Variants in TMEM223 observed in about 807,000 individuals in gnomAD.
The protein encoded by TMEM223 is transmembrane protein 223.
In TMEM223, 14 loss-of-function variants were observed where a neutral mutation model predicts 14.1. The ratio of observed to expected loss-of-function variants is 0.99; its 90% CI spans 0.66 to 1.55. TMEM223 has a LOEUF of 1.55. TMEM223 is among the 40% of genes most tolerant of loss of function. The pLI is 0.00. For synonymous variants in TMEM223, 145 were observed against 120.5 expected (o/e 1.20, Z -1.33); for missense variants, 346 against 269.9 (o/e 1.28, Z -1.97).
Position 62,791,618 on chromosome 11 carries a change from T to G in TMEM223, c.316+61A>C, listed in dbSNP as rs530059950. ...GAGTCCCTGACTCTCCCTGCCTGTA[T>G]AGGGAAGGTCGTGTCCCGCCACCCC... On this transcript the variant is annotated intron_variant, in intron 1 of 1. Transcript: ENST00000307366. The G allele has an allele frequency of 2.4e-3, 3,437 of 1,459,464 alleles. 7 individuals are homozygous for G. Among genetic ancestry groups the G allele is most frequent in the Non-Finnish European group, 3.0e-3 (3,262 of 1,102,400 alleles). 90.4% of individuals were successfully genotyped at this position (1,459,464 alleles called of 1,614,324 possible).
downstream of TMEM223, among the ~76,000 whole-genome samples, chr11:62,783,639 A>G (rs541431631): frequency 1.5e-4 from 23 of 151,678 alleles, no homozygotes; most frequent in Middle Eastern, 3.4e-3. Flanking sequence ...GATTTAAGCA[A>G]TTCTTCCACC....
downstream of TMEM223, chr11:62,787,733 C>A: frequency 1.4e-6 from 1 of 700,180 alleles, no homozygotes; most frequent in Non-Finnish European, 2.4e-6. Context: ...CGAAGTTGTC[C>A]CCTCGCCAAA....
At chr11:62,787,159 T>C, downstream of TMEM223, 1 of 1,579,398 alleles carries the variant, frequency 6.3e-7, no homozygotes, top group Non-Finnish European at 8.5e-7. Context: ...CGGGCGCCTT[T>C]TCCAGACTGC....
chr11:62,787,658 G>A (rs553382497), downstream of TMEM223: 1 of 1,199,162 alleles, frequency 8.3e-7, no homozygotes, highest in Non-Finnish European at 1.1e-6. Flanking sequence ...GGCTGGCGCC[G>A]GCCTGTACCT....
At chr11:62,787,252 C>G (rs1418092450), downstream of TMEM223, 3 of 1,566,544 alleles carry the variant, frequency 1.9e-6, no homozygotes, top group East Asian at 7.0e-5. Context: ...CCGCCCCGCC[C>G]GCCGGTGGGC....
intron 1 of TMEM223, among the ~76,000 whole-genome samples, chr11:62,791,282 G>C (rs1210260978): frequency 6.6e-6 from 1 of 152,060 alleles, no homozygotes; most frequent in African/African-American, 2.4e-5. Flanking sequence ...TTTGAGAGGG[G>C]AGTCTCGCTC....
downstream of TMEM223, chr11:62,786,326 G>T: frequency 6.2e-7 from 1 of 1,614,164 alleles, no homozygotes; most frequent in South Asian, 1.1e-5. Flanking sequence ...TGTGCTGGAT[G>T]ATTATTCAGT....
At chr11:62,775,867 G>C (rs753689322) in intron 1 of TMEM223, 29 of 1,613,892 alleles carry the variant, frequency 1.8e-5, no homozygotes, top group Non-Finnish European at 2.4e-5. Context: ...GCCTGGAGCT[G>C]AGCGATGAGG....
chr11:62,778,198 C>A lies in TMEM223; in HGVS notation c.315-3533G>T, dbSNP rs779820663. Reference sequence around the variant, plus strand: ...GTGAAGAGAAGTGGTGATGGGCTGGCTGGTGGAAGAGGCAGAACTTGGAGG... The same window carrying A: ...GTGAAGAGAAGTGGTGATGGGCTGGATGGTGGAAGAGGCAGAACTTGGAGG... On this transcript the variant is annotated intron_variant, in intron 1 of 2. Coordinates refer to the TMEM223 transcript ENST00000528367. 101 of 1,613,274 alleles carry A rather than the reference C, an allele frequency of 6.3e-5. 2 individuals carry two copies. The highest frequency in any genetic ancestry group is 3.3e-4 in the Middle Eastern group (2 of 6,046).
At chr11:62,778,422 G>T in intron 1 of TMEM223, 3 of 1,484,948 alleles carry the variant, frequency 2.0e-6, no homozygotes, top group Non-Finnish European at 2.8e-6. Flanking sequence ...CCGAGTCTGC[G>T]TCTAACATGT....
intron 1 of TMEM223, chr11:62,776,342 C>T: frequency 6.2e-7 from 1 of 1,605,020 alleles, no homozygotes; most frequent in South Asian, 1.1e-5. Context: ...ATGCCCCCTG[C>T]TTCACATCCT....
At chr11:62,789,174 T>C, downstream of TMEM223, 3 of 1,614,174 alleles carry the variant, frequency 1.9e-6, no homozygotes, top group Non-Finnish European at 2.5e-6. Flanking sequence ...CTTTTGCTCT[T>C]CTGGATCTAC....
intron 1 of TMEM223, chr11:62,778,797 G>A (rs920347105): frequency 9.9e-5 from 127 of 1,280,308 alleles, no homozygotes; most frequent in Non-Finnish European, 1.4e-4. Context: ...GTGGTTGAGG[G>A]GGAGGAGGCT....
In TMEM223 at chr11:62,791,287, T is replaced by C. The variant is rs980120730; in HGVS notation, c.317-372A>G. Reference sequence around the variant, plus strand: ...AATTTTTTTTTTTGAGAGGGGAGTCTCGCTCGGTCGCTTAGGCTGGAGTGC... The same window carrying C: ...AATTTTTTTTTTTGAGAGGGGAGTCCCGCTCGGTCGCTTAGGCTGGAGTGC... On this transcript the variant is annotated intron_variant, in intron 1 of 1. Coordinates refer to ENST00000307366, the MANE Select transcript of TMEM223 (RefSeq NM_001080501.3). 3.3e-5 allele frequency among the ~76,000 whole-genome samples: 5 copies of C among 151,924 alleles called. No homozygotes were observed. In the East Asian group the frequency reaches 9.7e-4, roughly 29 times the overall value.
intron 1 of TMEM223, 80 bp from the exon 2 acceptor site, chr11:62,790,995 G>A (rs1341795225): frequency 6.5e-6 from 9 of 1,393,558 alleles, no homozygotes; most frequent in Admixed American, 5.8e-5. Context: ...CTCTGAATAA[G>A]AAATTTGTGG....
At chr11:62,779,019 GTTTTT>G in intron 1 of TMEM223, 112 of 931,920 alleles carry the variant, frequency 1.2e-4, no homozygotes, top group East Asian at 2.9e-4. Context: ...TTCTAGACCT[GTTTTT>G]TTTTTTTTTT....
chr11:62,774,657 TGC>T lies in TMEM223; in HGVS notation c.321_322del (p.Ser108AsnfsTer34), dbSNP rs1428512685. ...TGCTGTTTTTGTCGGTTTCTTATTG[TGC>T]TATACCCTGTGAACAAAACAGGTTC... On this transcript the variant is annotated frameshift_variant, in exon 2 of 3. Coordinates refer to the TMEM223 transcript ENST00000528367. LOFTEE classifies it high-confidence loss of function. The T allele has an allele frequency of 4.4e-6, 2 of 455,116 alleles. No individual in the cohort carries two copies. The highest frequency in any genetic ancestry group is 1.4e-4 in the East Asian group (2 of 14,388). 28.2% of individuals were successfully genotyped at this position (455,116 alleles called of 1,614,324 possible). A position where few individuals can be genotyped will look rare whatever the true frequency, so the allele number is the denominator to read the frequency against.
intron 1 of TMEM223, chr11:62,778,041 T>G (rs757738919): frequency 2.5e-6 from 4 of 1,614,154 alleles, no homozygotes; most frequent in Non-Finnish European, 1.7e-6. Flanking sequence ...GGGTGAACTC[T>G]ACTTTCCTGA....
downstream of TMEM223, chr11:62,787,946 A>C (rs560858547): frequency 1.3e-3 from 632 of 485,472 alleles, 6 homozygotes; most frequent in Non-Finnish European, 6.2e-4. Flanking sequence ...ATTGTAGCAC[A>C]GTGTGTTAAA....
Sources: allele counts gnomAD v4.1 joint callset (sites outside exome capture counted in the v4.1 genomes callset), GRCh38; gene constraint gnomAD v4.1.1; transcripts MANE v1.5; gene names NCBI Gene and HGNC (gene_info 2026-07-23, HGNC 2026-07-21).